The following CCDC7 variants were observed in gnomAD, a reference collection of about 807,000 sequenced individuals.
CCDC7 encodes the protein coiled-coil domain containing 7, also known as coiled-coil domain-containing protein 7.
A neutral mutation model predicts 196.9 loss-of-function variants in CCDC7; 183 were observed. That is an observed-to-expected ratio of 0.93 (90% CI 0.82 to 1.05). The LOEUF is 1.05. Ranked by LOEUF, CCDC7 falls within the 50% of genes least tolerant of loss-of-function variation. The pLI, the probability that CCDC7 is intolerant of heterozygous loss-of-function variation, is 0.00. For missense variants in CCDC7, 1,540 were observed against 1,482.2 expected (o/e 1.04, Z -0.64); for synonymous variants, 525 against 484.6 (o/e 1.08, Z -1.10).
intron 24 of CCDC7, 40 bp from the exon 26 acceptor site, chr10:32,711,580 T>C (rs1223993573): frequency 2.4e-6 from 3 of 1,225,856 alleles, no homozygotes. Context: ...ATAGTAGATT[T>C]GTTTTTCTAG....
chr10:32,826,303 T>C (rs1306517659), intron 32 of CCDC7, among the ~76,000 whole-genome samples: 1 of 152,226 alleles, frequency 6.6e-6, no homozygotes, highest in African/African-American at 2.4e-5. Flanking sequence ...GAGTCCAATA[T>C]GCAAGGGCAG....
chr10:32,849,116 T>G (rs560036907), intron 39 of CCDC7, among the ~76,000 whole-genome samples: 3 of 150,384 alleles, frequency 2.0e-5, no homozygotes, highest in Admixed American at 1.3e-4. Flanking sequence ...TGGGTTTTGT[T>G]TTTTTTTTTT....
At chr10:32,524,212 TTAAAC>T (rs1331477933) in intron 11 of CCDC7, among the ~76,000 whole-genome samples, 2 of 152,296 alleles carry the variant, frequency 1.3e-5, no homozygotes, top group Non-Finnish European at 2.9e-5. Flanking sequence ...ACCCACAACT[TTAAAC>T]TAATGACAAC....
intron 33 of CCDC7, 124 bp from the exon 35 acceptor site, chr10:32,845,119 A>G: frequency 1.9e-6 from 1 of 525,160 alleles, no homozygotes; most frequent in East Asian, 2.9e-5. Context: ...AATAGTACCA[A>G]TATGTTAGTA....
intron 33 of CCDC7, among the ~76,000 whole-genome samples, chr10:32,844,038 T>G (rs1251490417): frequency 6.6e-6 from 1 of 151,982 alleles, no homozygotes; most frequent in Non-Finnish European, 1.5e-5. Context: ...CTATGGTATC[T>G]GGGTCATTAT....
chr10:32,685,906 C>T, intron 21 of CCDC7, 64 bp from the exon 23 acceptor site: 1 of 931,722 alleles, frequency 1.1e-6, no homozygotes, highest in Non-Finnish European at 1.6e-6. Context: ...AAATTTGAAA[C>T]ACAGAAATTT....
chr10:32,823,278 G>A (rs2090567672), intron 31 of CCDC7, among the ~76,000 whole-genome samples: 1 of 151,960 alleles, frequency 6.6e-6, no homozygotes, highest in Admixed American at 6.6e-5. Context: ...AAGTAGCTGG[G>A]ACTAAGGCGC....
intron 9 of CCDC7, among the ~76,000 whole-genome samples, chr10:32,506,620 G>A (rs1005364804): frequency 6.6e-6 from 1 of 152,212 alleles, no homozygotes. Context: ...GGGAGGCCGA[G>A]GGGGGCAGAT....
intron 8 of CCDC7, among the ~76,000 whole-genome samples, chr10:32,486,177 G>C (rs1420864758): frequency 1.3e-5 from 2 of 152,144 alleles, no homozygotes; most frequent in African/African-American, 4.8e-5. Flanking sequence ...GAATCTGGGT[G>C]CTCCTGTATT....
intron 18 of CCDC7, among the ~76,000 whole-genome samples, chr10:32,605,673 G>A (rs1345325882): frequency 6.6e-6 from 1 of 152,162 alleles, no homozygotes; most frequent in Non-Finnish European, 1.5e-5. Flanking sequence ...TTAGACTTAG[G>A]GTATCTGGCA....
chr10:32,774,251 A>G (rs2134149156), intron 28 of CCDC7, among the ~76,000 whole-genome samples: 1 of 151,664 alleles, frequency 6.6e-6, no homozygotes, highest in South Asian at 2.1e-4. Flanking sequence ...GAACACCTAC[A>G]AAAATTCACA....
intron 29 of CCDC7, among the ~76,000 whole-genome samples, chr10:32,783,525 T>A (rs912700800): frequency 6.6e-6 from 1 of 152,194 alleles, no homozygotes; most frequent in Non-Finnish European, 1.5e-5. Flanking sequence ...GGCAAGGATG[T>A]AGACAAATAG....
intron 9 of CCDC7, among the ~76,000 whole-genome samples, chr10:32,494,628 G>A (rs1564449728): frequency 6.6e-6 from 1 of 152,046 alleles, no homozygotes; most frequent in Non-Finnish European, 1.5e-5. Flanking sequence ...TCCCACTTAT[G>A]AGCGAGAACA....
At chr10:32,736,410 T>C (rs2084879569) in intron 28 of CCDC7, among the ~76,000 whole-genome samples, 1 of 152,174 alleles carries the variant, frequency 6.6e-6, no homozygotes, top group South Asian at 2.1e-4. Flanking sequence ...ATTATTATAC[T>C]TTAAGTTTTA....
intron 11 of CCDC7, among the ~76,000 whole-genome samples, chr10:32,531,613 G>T (rs1237528220): frequency 1.3e-5 from 2 of 152,140 alleles, no homozygotes; most frequent in Non-Finnish European, 2.9e-5. Flanking sequence ...ACTTTTGAAG[G>T]ATTTGAGTAG....
chr10:32,665,995 C>G (rs1194723197), intron 21 of CCDC7, among the ~76,000 whole-genome samples: 3 of 151,768 alleles, frequency 2.0e-5, no homozygotes, highest in African/African-American at 4.8e-5. Flanking sequence ...CTTTTTCAGA[C>G]AGTTCATTGT....
chr10:32,731,610 A>G (rs1363410630), intron 28 of CCDC7, among the ~76,000 whole-genome samples: 5 of 152,356 alleles, frequency 3.3e-5, no homozygotes, highest in South Asian at 2.1e-4. Context: ...TTCTAAGTGT[A>G]TGTATGAAGT....
chr10:32,531,247 C>T (rs2049608929), intron 11 of CCDC7, among the ~76,000 whole-genome samples: 1 of 152,026 alleles, frequency 6.6e-6, no homozygotes, highest in Non-Finnish European at 1.5e-5. Flanking sequence ...CTCAGCTTCC[C>T]TAGTAGCTGG....
At chr10:32,562,107 G>A (rs138584368) in intron 13 of CCDC7, among the ~76,000 whole-genome samples, 20,382 of 152,192 alleles carry the variant, frequency 0.13, 1,618 homozygotes, top group African/African-American at 0.22. Flanking sequence ...CCAGGAAGAA[G>A]TTGAATCTCT....
Sources: allele counts gnomAD v4.1 joint callset (sites outside exome capture counted in the v4.1 genomes callset), GRCh38; gene constraint gnomAD v4.1.1; transcripts MANE v1.5; gene names NCBI Gene and HGNC (gene_info 2026-07-23, HGNC 2026-07-21).